The following FHIT variants were observed in gnomAD, a reference collection of about 807,000 sequenced individuals.
FHIT encodes the protein fragile histidine triad diadenosine triphosphatase, also known as bis(5'-adenosyl)-triphosphatase.
In FHIT, 19 loss-of-function variants were observed where a neutral mutation model predicts 17.9. The ratio of observed to expected loss-of-function variants is 1.06; its 90% CI spans 0.74 to 1.56. FHIT has a LOEUF of 1.56. Among genes scored for constraint, FHIT ranks in the 40% most tolerant of loss-of-function variants. The pLI is 0.00. For missense variants in FHIT, 248 were observed against 189.2 expected (o/e 1.31, Z -1.82); for synonymous variants, 81 against 69.7 (o/e 1.16, Z -0.81).
At chr3:60,843,398 G>C (rs1366343027) in intron 3 of FHIT, among the ~76,000 whole-genome samples, 2 of 152,158 alleles carry the variant, frequency 1.3e-5, no homozygotes, top group East Asian at 3.8e-4. Context: ...CAGTCAGAGA[G>C]AGACTTCCAC....
intron 2 of FHIT, among the ~76,000 whole-genome samples, chr3:61,182,718 GAACCTGA>G (rs1389427880): frequency 2.6e-5 from 4 of 152,122 alleles, no homozygotes; most frequent in Non-Finnish European, 5.9e-5. Flanking sequence ...AGGGCCCTGA[GAACCTGA>G]AGGAGCATGT....
intron 4 of FHIT, among the ~76,000 whole-genome samples, chr3:60,794,947 A>G (rs1700924230): frequency 6.6e-6 from 1 of 152,258 alleles, no homozygotes; most frequent in Non-Finnish European, 1.5e-5. Flanking sequence ...GTAAAAAAGT[A>G]TCTCTACCTG....
At chr3:60,988,388 C>A (rs751934430) in intron 3 of FHIT, among the ~76,000 whole-genome samples, 5 of 152,084 alleles carry the variant, frequency 3.3e-5, no homozygotes, top group East Asian at 1.9e-4. Context: ...AGAATCCCTA[C>A]GTGATGGAGC....
At chr3:60,805,743 T>TAGAGATGGGGTTTCACCGTGTTA (rs1553733818) in intron 4 of FHIT, among the ~76,000 whole-genome samples, 1 of 151,924 alleles carries the variant, frequency 6.6e-6, no homozygotes, top group East Asian at 1.9e-4. Context: ...GTATTTTTGG[T>TAGAGATGGGGTTTCACCGTGTTA]AGAGATGGGG....
At chr3:60,283,232 C>T (rs1011580951) in intron 5 of FHIT, among the ~76,000 whole-genome samples, 3 of 151,364 alleles carry the variant, frequency 2.0e-5, no homozygotes, top group African/African-American at 4.8e-5. Context: ...GGGATATATA[C>T]ACACACACAC....
intron 4 of FHIT, among the ~76,000 whole-genome samples, chr3:60,581,991 T>C (rs561015171): frequency 5.3e-5 from 8 of 152,076 alleles, no homozygotes; most frequent in Admixed American, 5.2e-4. Flanking sequence ...CATTGCAATG[T>C]GAGGGCAGGA....
Position 59,748,683 on chromosome 3 carries a change from GAGCTCTTTT to G in FHIT, c.*893_*901del, listed in dbSNP as rs1320126119. Among the ~76,000 whole-genome samples, 1 of 152,036 alleles carries G rather than the reference GAGCTCTTTT, an allele frequency of 6.6e-6. No homozygotes were observed. Among genetic ancestry groups the G allele is most frequent in the East Asian group, 1.9e-4 (1 of 5,176 alleles). ...GGGAGAAGGAAGTGGCTAGAGAGGT[GAGCTCTTTT>G]AGCAAGGAGGGCAGTACACAGACTA... On this transcript the variant is annotated 3_prime_UTR_variant, in exon 10 of 10. Coordinates refer to ENST00000492590, the MANE Select transcript of FHIT (RefSeq NM_002012.4).
At chr3:59,783,349 G>A (rs1174418883) in intron 8 of FHIT, among the ~76,000 whole-genome samples, 4 of 152,084 alleles carry the variant, frequency 2.6e-5, no homozygotes, top group Admixed American at 1.3e-4. Flanking sequence ...CATGCCTGTA[G>A]TCTCAGCTAC....
At chr3:60,955,417 T>C (rs1218115612) in intron 3 of FHIT, among the ~76,000 whole-genome samples, 1 of 151,950 alleles carries the variant, frequency 6.6e-6, no homozygotes, top group Non-Finnish European at 1.5e-5. Flanking sequence ...AGCCAAAGTC[T>C]TGTGTCAAGC....
chr3:59,847,314 G>A (rs1235592053), intron 8 of FHIT, among the ~76,000 whole-genome samples: 1 of 151,362 alleles, frequency 6.6e-6, no homozygotes, highest in African/African-American at 2.4e-5. Flanking sequence ...AATTTTCATT[G>A]ACCTATCTTT....
chr3:59,952,199 C>T (rs573969958), intron 7 of FHIT, among the ~76,000 whole-genome samples: 11 of 152,228 alleles, frequency 7.2e-5, no homozygotes, highest in Non-Finnish European at 8.8e-5. Flanking sequence ...TTTTTTTCAT[C>T]GTATAAATGA....
intron 5 of FHIT, among the ~76,000 whole-genome samples, chr3:60,406,967 T>A (rs2107210494): frequency 6.6e-6 from 1 of 152,164 alleles, no homozygotes; most frequent in East Asian, 1.9e-4. Flanking sequence ...TAGCACTTGC[T>A]ATGCATAAAC....
rs972060181 is a variant in FHIT, at chr3:60,873,467, C to T, written c.-110-51456G>A. On this transcript the variant is annotated intron_variant, in intron 3 of 9. Coordinates refer to ENST00000492590, the MANE Select transcript of FHIT (RefSeq NM_002012.4). ...GCAGCCTTGTTTCCTTCAACAGGTT[C>T]CTTTGTTGCTTTGTGTGTTCTCCCG... is the stretch of plus-strand genomic sequence containing the variant. Among the ~76,000 whole-genome samples the T allele has an allele frequency of 2.6e-5, 4 of 152,316 alleles. No homozygotes were observed. In the South Asian group the frequency reaches 8.3e-4, roughly 32 times the overall value.
chr3:61,031,540 G>T (rs1391685958), intron 3 of FHIT, among the ~76,000 whole-genome samples: 1 of 152,160 alleles, frequency 6.6e-6, no homozygotes, highest in Non-Finnish European at 1.5e-5. Context: ...CATGTAAATT[G>T]AATTCATCTA....
chr3:60,044,163 T>C (rs1701556353), intron 5 of FHIT, among the ~76,000 whole-genome samples: 2 of 152,174 alleles, frequency 1.3e-5, no homozygotes, highest in African/African-American at 4.8e-5. Flanking sequence ...TACAGCCAAG[T>C]AAAACCCTAA....
intron 2 of FHIT, among the ~76,000 whole-genome samples, chr3:61,056,250 C>G (rs1290771562): frequency 3.3e-5 from 5 of 152,088 alleles, no homozygotes; most frequent in African/African-American, 9.7e-5. Flanking sequence ...AGCAAGACAC[C>G]ATGCTCCACA....
intron 8 of FHIT, among the ~76,000 whole-genome samples, chr3:59,819,828 G>C (rs1700727782): frequency 6.6e-6 from 1 of 152,158 alleles, no homozygotes; most frequent in Non-Finnish European, 1.5e-5. Context: ...GGAGCCTTTG[G>C]GGAAGTGATT....
intron 5 of FHIT, among the ~76,000 whole-genome samples, chr3:60,249,645 G>C (rs1705585232): frequency 6.8e-6 from 1 of 147,940 alleles, no homozygotes; most frequent in Non-Finnish European, 1.5e-5. Flanking sequence ...CATGATCTGA[G>C]AGTCTCCTGG....
intron 3 of FHIT, among the ~76,000 whole-genome samples, chr3:61,018,763 T>A (rs2032250859): frequency 6.6e-6 from 1 of 152,208 alleles, no homozygotes; most frequent in Admixed American, 6.5e-5. Flanking sequence ...CACTGTCTGT[T>A]TTTTTAATTT....
Sources: allele counts gnomAD v4.1 joint callset (sites outside exome capture counted in the v4.1 genomes callset), GRCh38; gene constraint gnomAD v4.1.1; transcripts MANE v1.5; gene names NCBI Gene and HGNC (gene_info 2026-07-23, HGNC 2026-07-21).